POTEJ: variants seen among roughly 807,000 people sequenced by gnomAD.
POTEJ encodes the protein POTE ankyrin domain family member J, also known as POTE ankyrin domain family, member J.
Under a neutral mutation model 69.0 loss-of-function variants are expected in POTEJ, and 11 were observed. The observed-to-expected ratio is 0.16, with a 90% CI of 0.10 to 0.26. The LOEUF (loss-of-function observed/expected upper bound fraction) is 0.26. Among genes scored for constraint, POTEJ ranks in the 10% least tolerant of loss-of-function variants. The pLI is 1.00. For missense variants in POTEJ, 327 were observed against 1,045.5 expected (o/e 0.31, Z 9.48); for synonymous variants, 117 against 381.1 (o/e 0.31, Z 8.07).
chr2:130,625,107 A>G (rs1406598790), intron 6 of POTEJ, among the ~76,000 whole-genome samples: 1 of 152,182 alleles, frequency 6.6e-6, no homozygotes, highest in African/African-American at 2.4e-5. Flanking sequence ...CCTTTAATTT[A>G]GCCATCTATT....
intron 9 of POTEJ, among the ~76,000 whole-genome samples, chr2:130,634,911 C>T (rs1686034836): frequency 6.6e-6 from 1 of 152,228 alleles, no homozygotes; most frequent in Admixed American, 6.5e-5. Flanking sequence ...AAGATTATCA[C>T]AATTTTTTTC....
At chr2:130,630,865 T>G (rs933650859) in intron 7 of POTEJ, among the ~76,000 whole-genome samples, 1 of 143,996 alleles carries the variant, frequency 6.9e-6, no homozygotes, top group African/African-American at 2.7e-5. Context: ...TAATCTCAAT[T>G]AAAATTGGAG....
rs1289479614 is a variant in POTEJ, at chr2:130,624,024, A to C, written c.945-40A>C. 2.7e-6 allele frequency: 4 copies of C among 1,480,412 alleles called. No homozygotes were observed. The South Asian group carries it at 3.6e-5, about 13-fold the overall frequency. 91.7% of individuals were successfully genotyped at this position (1,480,412 alleles called of 1,614,324 possible). A position where few individuals can be genotyped will look rare whatever the true frequency, so the allele number is the denominator to read the frequency against. On this transcript the variant is annotated intron_variant, in intron 5 of 14. Transcript: ENST00000409602. ...CATTTGGTAAGATTTTTATATCAGT[A>C]TTAAAATAGTAATTTGGTTTATTAC...
At chr2:130,636,028 T>G (rs1172140809) in intron 9 of POTEJ, among the ~76,000 whole-genome samples, 1 of 144,466 alleles carries the variant, frequency 6.9e-6, no homozygotes, top group Non-Finnish European at 1.5e-5. Flanking sequence ...TTCCTCCTGA[T>G]TATCTCCCTT....
Position 130,632,380 on chromosome 2 carries a change from A to G in POTEJ, c.1132-110A>G, listed in dbSNP as rs1685936380. On this transcript the variant is annotated intron_variant, in intron 8 of 14. Coordinates refer to ENST00000409602, the MANE Select transcript of POTEJ (RefSeq NM_001277083.2). ...ATATATATGATCAAATTTAAGTGTG[A>G]AATATTTTTAATGACTAAAATAATG... 3 of 560,172 alleles carry G rather than the reference A, an allele frequency of 5.4e-6. No homozygotes were observed. In the African/African-American group the frequency reaches 6.4e-5, roughly 12 times the overall value. The allele number at this position is 560,172 out of a possible 1,614,324, so 34.7% of individuals were successfully genotyped here.
chr2:130,634,985 T>C (rs1276334410), intron 9 of POTEJ, among the ~76,000 whole-genome samples: 6 of 151,762 alleles, frequency 4.0e-5, no homozygotes, highest in African/African-American at 1.2e-4. Context: ...TTTGAGCCAG[T>C]GGAGGGCGTC....
At chr2:130,626,870 T>C (rs1310739847) in intron 6 of POTEJ, among the ~76,000 whole-genome samples, 8 of 152,160 alleles carry the variant, frequency 5.3e-5, no homozygotes, top group Middle Eastern at 3.2e-3. Flanking sequence ...TTTTGCTTAA[T>C]TTTTTTTCAT....
Position 130,648,781 on chromosome 2 carries a change from G to GTTTTTT in POTEJ, c.1667+2495_1667+2500dup, listed in dbSNP as rs761289482. 6.6e-4 allele frequency among the ~76,000 whole-genome samples: 54 copies of GTTTTTT among 81,864 alleles called. 6 individuals are homozygous for GTTTTTT. Among genetic ancestry groups the GTTTTTT allele is most frequent in the African/African-American group, 2.8e-3 (50 of 18,108 alleles). The allele number at this position is 81,864 out of a possible 152,430, so 53.7% of individuals were successfully genotyped here. The stretch of plus-strand genomic sequence containing the variant: ...TCAGTCCTCAATCTTCTTTCTCATA[G>GTTTTTT]TTTTTTTTTTTTTTTTTTTTTTTTT... On this transcript the variant is annotated intron_variant, in intron 13 of 14. Coordinates refer to ENST00000409602, the MANE Select transcript of POTEJ (RefSeq NM_001277083.2).
In POTEJ at chr2:130,624,007, A is replaced by G; in HGVS notation, c.945-57A>G. ...TACTCTTAATAATTCTGCATTTGGT[A>G]AGATTTTTATATCAGTATTAAAATA... On this transcript the variant is annotated intron_variant, in intron 5 of 14. Coordinates refer to ENST00000409602, the MANE Select transcript of POTEJ (RefSeq NM_001277083.2). 6 of 1,492,110 alleles carry G rather than the reference A, an allele frequency of 4.0e-6. 1 individual carries two copies. Among genetic ancestry groups the G allele is most frequent in the Non-Finnish European group, 5.4e-6 (6 of 1,103,236 alleles). 92.4% of individuals were successfully genotyped at this position (1,492,110 alleles called of 1,614,324 possible). A position where few individuals can be genotyped will look rare whatever the true frequency, so the allele number is the denominator to read the frequency against.
Position 130,636,952 on chromosome 2 carries a change from G to A in POTEJ, c.1299-1667G>A, listed in dbSNP as rs537677525. 1.6e-4 allele frequency among the ~76,000 whole-genome samples: 23 copies of A among 146,680 alleles called. 4 individuals are homozygous for A. The highest frequency in any genetic ancestry group is 3.5e-3 in the Middle Eastern group (1 of 284). ...AAATTAACCGGGTGTGGTGGCATGC[G>A]CCTGTAGTCCCAGCTGCTATGGAGG... On this transcript the variant is annotated intron_variant, in intron 9 of 14. Coordinates refer to ENST00000409602, the MANE Select transcript of POTEJ (RefSeq NM_001277083.2).
chr2:130,656,833 G>C lies in POTEJ; in HGVS notation c.2073G>C (p.Arg691=). 1 of 1,600,922 alleles carries C rather than the reference G, an allele frequency of 6.2e-7. No homozygotes were observed. The highest frequency in any genetic ancestry group is 1.1e-5 in the South Asian group (1 of 90,834). The change falls in exon 15 of 15, where the codon CGG becomes CGC. Residue 691 remains arginine (R), a synonymous_variant. Coordinates refer to ENST00000409602, the MANE Select transcript of POTEJ (RefSeq NM_001277083.2). ...GCTTTGCGGGCGACGATGCCCCCCG[G>C]GCTGTCTTCCCTTCCATCGTGGGGT... ...KAGFAGDDAP[R]AVFPSIVGCP...
rs1487775943 is a variant in POTEJ, at chr2:130,628,973, T to G, written c.1016-976T>G. 2.7e-5 allele frequency among the ~76,000 whole-genome samples: 4 copies of G among 148,590 alleles called. No homozygotes were observed. In the South Asian group the frequency reaches 8.3e-4, roughly 31 times the overall value. ...TGTCAGAGGTTGCAGTGAGCTGAGATTGCGACACTGCACTCCAGCCTGGTG... is the reference window on the plus strand; with the variant it reads ...TGTCAGAGGTTGCAGTGAGCTGAGAGTGCGACACTGCACTCCAGCCTGGTG... On this transcript the variant is annotated intron_variant, in intron 6 of 14. Coordinates refer to ENST00000409602, the MANE Select transcript of POTEJ (RefSeq NM_001277083.2).
At chr2:130,638,941 A>T (rs563714070) in intron 10 of POTEJ, among the ~76,000 whole-genome samples, 3 of 152,360 alleles carry the variant, frequency 2.0e-5, no homozygotes, top group Admixed American at 2.0e-4. Flanking sequence ...CTGCAACTAG[A>T]TGGTCCCTTC....
At chr2:130,628,186 C>A (rs1286047465) in intron 6 of POTEJ, among the ~76,000 whole-genome samples, 76 of 119,750 alleles carry the variant, frequency 6.3e-4, no homozygotes, top group Middle Eastern at 4.3e-3. Flanking sequence ...CTTTCATAAT[C>A]TGACTTCTGC....
Position 130,657,404 on chromosome 2 carries a change from G to A in POTEJ, c.2644G>A (p.Val882Ile), listed in dbSNP as rs760282905. Reference sequence around the variant, plus strand: ...TGACATCAAAGAGAAGCTGTGCTATGTTGCCCTGGACTTCGAGCAGGAGAT... The same window carrying A: ...TGACATCAAAGAGAAGCTGTGCTATATTGCCCTGGACTTCGAGCAGGAGAT... Reference protein sequence around the residue: ...VRDIKEKLCYVALDFEQEMAM... With the variant: ...VRDIKEKLCYIALDFEQEMAM... The change falls in exon 15 of 15, where the codon GTT becomes ATT. Residue 882 changes from valine (V) to isoleucine (I), a missense_variant. By Grantham distance (29) the Val-to-Ile change is conservative. Coordinates refer to ENST00000409602, the MANE Select transcript of POTEJ (RefSeq NM_001277083.2). The A allele has an allele frequency of 2.5e-6, 4 of 1,593,770 alleles. No homozygotes were observed. The highest frequency in any genetic ancestry group is 4.5e-5 in the East Asian group (2 of 44,862).
chr2:130,638,145 C>T (rs1201521493), intron 9 of POTEJ, among the ~76,000 whole-genome samples: 1 of 150,098 alleles, frequency 6.7e-6, no homozygotes, highest in African/African-American at 2.4e-5. Flanking sequence ...TAATTTCAGT[C>T]ATAAAGTTTA....
chr2:130,636,172 T>C (rs1472399271), intron 9 of POTEJ, among the ~76,000 whole-genome samples: 1 of 151,104 alleles, frequency 6.6e-6, no homozygotes, highest in Non-Finnish European at 1.5e-5. Flanking sequence ...CCTAGCTTAC[T>C]CTTTCCATTC....
At chr2:130,620,984 G>C (rs1685528976) in intron 4 of POTEJ, among the ~76,000 whole-genome samples, 1 of 113,474 alleles carries the variant, frequency 8.8e-6, no homozygotes, top group African/African-American at 3.8e-5. Flanking sequence ...ATAAATGTAG[G>C]ATTTAATTCA....
chr2:130,632,011 T>A (rs1473920517), intron 8 of POTEJ, among the ~76,000 whole-genome samples: 1 of 143,850 alleles, frequency 7.0e-6, no homozygotes, highest in Non-Finnish European at 1.5e-5. Context: ...AAGAATATCT[T>A]AGCGCAGAAA....
Sources: gnomAD v4.1 joint callset for allele counts (sites outside exome capture counted in the v4.1 genomes callset) on GRCh38, gnomAD v4.1.1 for gene constraint, MANE v1.5 for transcripts, NCBI Gene and HGNC (gene_info 2026-07-23, HGNC 2026-07-21) for gene names.